The following DENND5A variants were observed in gnomAD, a reference collection of about 807,000 sequenced individuals.
The protein encoded by DENND5A is DENN domain-containing protein 5A.
In DENND5A, 64 loss-of-function variants were observed where a neutral mutation model predicts 140.3. That is an observed-to-expected ratio of 0.46 (90% CI 0.37 to 0.56). The LOEUF (loss-of-function observed/expected upper bound fraction) is 0.56. DENND5A is among the 20% of genes least tolerant of loss of function. DENND5A has a pLI of 0.00. For missense variants in DENND5A, 1,292 were observed against 1,593.8 expected (o/e 0.81, Z 3.22); for synonymous variants, 605 against 607.7 (o/e 1.00, Z 0.07).
chr11:9,198,893 A>C (rs1158104068), intron 4 of DENND5A, among the ~76,000 whole-genome samples: 1 of 150,298 alleles, frequency 6.7e-6, no homozygotes, highest in Non-Finnish European at 1.5e-5. Context: ...CAACATGGTG[A>C]AACCTCATCT....
At chr11:9,216,356 T>C (rs565370299) in intron 1 of DENND5A, among the ~76,000 whole-genome samples, 38 of 152,348 alleles carry the variant, frequency 2.5e-4, no homozygotes, top group African/African-American at 9.1e-4. Flanking sequence ...GCATTAGCTC[T>C]TCCTCAGCTA....
intron 1 of DENND5A, among the ~76,000 whole-genome samples, chr11:9,255,844 G>A (rs866405361): frequency 6.8e-5 from 10 of 147,792 alleles, no homozygotes; most frequent in Non-Finnish European, 1.3e-4. Flanking sequence ...CAGCCTGGGC[G>A]ACAGAGTGAG....
chr11:9,152,487 G>T lies in DENND5A; in HGVS notation c.2437-45C>A, dbSNP rs765387809. On this transcript the variant is annotated intron_variant, in intron 12 of 22. Coordinates refer to ENST00000328194, the MANE Select transcript of DENND5A (RefSeq NM_015213.4). Reference sequence around the variant, plus strand: ...GAAACACCTATCAGTTTAGATTTCAGGGGTCAAGGCTTTCAACATACAGAT... The same window carrying T: ...GAAACACCTATCAGTTTAGATTTCATGGGTCAAGGCTTTCAACATACAGAT... The T allele has an allele frequency of 4.4e-6, 6 of 1,371,926 alleles. No homozygotes were observed. In the South Asian group the frequency reaches 5.8e-5, roughly 13 times the overall value. The allele number at this position is 1,371,926 out of a possible 1,614,324, so 85.0% of individuals were successfully genotyped here.
intron 1 of DENND5A, among the ~76,000 whole-genome samples, chr11:9,260,498 T>C (rs916581076): frequency 6.6e-6 from 1 of 152,114 alleles, no homozygotes; most frequent in Non-Finnish European, 1.5e-5. Context: ...CCAAAAATAA[T>C]GGAAAACATA....
intron 19 of DENND5A, 42 bp downstream of exon 19, chr11:9,144,055 T>C (rs1847335867): frequency 6.3e-7 from 1 of 1,591,182 alleles, no homozygotes; most frequent in Non-Finnish European, 8.5e-7. Flanking sequence ...ACCCATTCCC[T>C]AGACTGTATG....
chr11:9,228,120 A>AAAAAAAAAAAC (rs561346677), intron 1 of DENND5A, among the ~76,000 whole-genome samples: 5 of 151,084 alleles, frequency 3.3e-5, no homozygotes, highest in African/African-American at 1.2e-4. Context: ...CAAAAAAAAA[A>AAAAAAAAAAAC]AAAAAAAAAA....
Position 9,139,865 on chromosome 11 carries a change from G to A in DENND5A, c.3681-11C>T, listed in dbSNP as rs954139486. ...TGTAGGAGGTGATCTCTGGCAGAGC[G>A]GGAGCAGTCCAGGCAGGTCAGAGGG... On this transcript the variant is annotated splice_polypyrimidine_tract_variant and intron_variant, in intron 22 of 22. Transcript: ENST00000328194. 22 of 1,613,016 alleles carry A rather than the reference G, an allele frequency of 1.4e-5. No individual in the cohort carries two copies. The highest frequency in any genetic ancestry group is 2.2e-5 in the East Asian group (1 of 44,862).
At chr11:9,192,145 AAAG>A (rs1398380413) in intron 5 of DENND5A, among the ~76,000 whole-genome samples, 1 of 152,236 alleles carries the variant, frequency 6.6e-6, no homozygotes, top group Non-Finnish European at 1.5e-5. Flanking sequence ...TTCTAAAACT[AAAG>A]AAGAGAGAAA....
At chr11:9,217,838 C>T (rs1394869818) in intron 1 of DENND5A, among the ~76,000 whole-genome samples, 1 of 152,202 alleles carries the variant, frequency 6.6e-6, no homozygotes, top group Non-Finnish European at 1.5e-5. Flanking sequence ...ACTGTCAAAG[C>T]ATGTGTCATT....
chr11:9,249,819 G>A (rs1314606595), intron 1 of DENND5A, among the ~76,000 whole-genome samples: 2 of 151,836 alleles, frequency 1.3e-5, no homozygotes, highest in Non-Finnish European at 2.9e-5. Flanking sequence ...CAAAGTGCTG[G>A]GATTACAGGC....
intron 1 of DENND5A, among the ~76,000 whole-genome samples, chr11:9,246,855 A>C (rs1476782175): frequency 6.6e-6 from 1 of 152,156 alleles, no homozygotes; most frequent in African/African-American, 2.4e-5. Flanking sequence ...TTTTAGGCTT[A>C]AATCAATGTG....
At chr11:9,255,983 G>A (rs1449700806) in intron 1 of DENND5A, among the ~76,000 whole-genome samples, 53 of 148,970 alleles carry the variant, frequency 3.6e-4, no homozygotes, top group Admixed American at 3.4e-3. Flanking sequence ...CCAAGATCGC[G>A]CCATTGCACC....
intron 8 of DENND5A, chr11:9,176,888 T>C (rs1848561365): frequency 2.2e-6 from 1 of 456,248 alleles, no homozygotes; most frequent in Non-Finnish European, 4.4e-6. Context: ...GTTGATCATA[T>C]AATATGATTT....
At chr11:9,239,734 T>C (rs1415219144) in intron 1 of DENND5A, among the ~76,000 whole-genome samples, 3 of 152,164 alleles carry the variant, frequency 2.0e-5, no homozygotes, top group African/African-American at 7.2e-5. Context: ...AGTGCTGGGA[T>C]TACAGGCATG....
At chr11:9,230,358 A>C (rs1850719870) in intron 1 of DENND5A, among the ~76,000 whole-genome samples, 1 of 141,746 alleles carries the variant, frequency 7.1e-6, no homozygotes, top group African/African-American at 2.7e-5. Flanking sequence ...CACCCACCTT[A>C]GCCTCCCAAG....
chr11:9,150,625 A>G (rs1847583690), intron 14 of DENND5A, 55 bp downstream of exon 14: 5 of 1,318,974 alleles, frequency 3.8e-6, no homozygotes, highest in Non-Finnish European at 5.4e-6. Context: ...TGGACACCTA[A>G]GCAGCAACTG....
intron 8 of DENND5A, among the ~76,000 whole-genome samples, chr11:9,176,527 A>C (rs1340076504): frequency 9.2e-5 from 14 of 152,088 alleles, no homozygotes; most frequent in Admixed American, 9.2e-4. Context: ...TAACATCCCT[A>C]CATGCTGGGT....
chr11:9,244,878 T>C (rs1851398338), intron 1 of DENND5A, among the ~76,000 whole-genome samples: 1 of 151,966 alleles, frequency 6.6e-6, no homozygotes, highest in African/African-American at 2.4e-5. Context: ...GGTTTCGCCG[T>C]GTTGCCGGGG....
chr11:9,152,743 C>T (rs1022577588), intron 12 of DENND5A, among the ~76,000 whole-genome samples: 2 of 152,134 alleles, frequency 1.3e-5, no homozygotes, highest in African/African-American at 4.8e-5. Flanking sequence ...GTGGCTCACA[C>T]CTGTAATCCC....
Sources: allele counts gnomAD v4.1 joint callset (sites outside exome capture counted in the v4.1 genomes callset), GRCh38; gene constraint gnomAD v4.1.1; transcripts MANE v1.5; gene names NCBI Gene and HGNC (gene_info 2026-07-23, HGNC 2026-07-21).